The following NIN variants were observed in gnomAD, a reference collection of about 807,000 sequenced individuals.
NIN encodes glycogen synthase kinase 3 beta-interacting protein.
In NIN, 137 loss-of-function variants were observed where a neutral mutation model predicts 257.6. The ratio of observed to expected loss-of-function variants is 0.53; its 90% CI spans 0.46 to 0.61. The LOEUF (loss-of-function observed/expected upper bound fraction) is 0.61, where lower values mean the gene tolerates loss of function less well. Among genes scored for constraint, NIN ranks in the 20% least tolerant of loss-of-function variants. NIN has a pLI of 0.00. For missense variants in NIN, 2,439 were observed against 2,501.2 expected (o/e 0.98, Z 0.53); for synonymous variants, 918 against 919.8 (o/e 1.00, Z 0.04).
chr14:50,823,177 G>A (rs1257213709), intron 2 of NIN: 2 of 543,244 alleles, frequency 3.7e-6, no homozygotes, highest in Admixed American at 2.1e-5. Flanking sequence ...TTCCTTGCAT[G>A]ACAGTTCATT....
At position 50,745,338 on chromosome 14, in the gene NIN, G is replaced by T. The variant is rs1309745666; in HGVS notation, c.5065-973C>A. Among the ~76,000 whole-genome samples, 5 of 152,104 alleles carry T rather than the reference G, an allele frequency of 3.3e-5. No individual in the cohort carries two copies. The East Asian group carries it at 9.6e-4, about 29-fold the overall frequency. ...GTGCCCAGACATTGATAAATGTTCT[G>T]GGGCAGGAGAGCAATCCTCACCCCT... On this transcript the variant is annotated intron_variant, in intron 22 of 30. Coordinates refer to ENST00000530997, the MANE Select transcript of NIN (RefSeq NM_020921.4).
chr14:50,733,574 G>T (rs1455873053), intron 28 of NIN, among the ~76,000 whole-genome samples: 3 of 152,142 alleles, frequency 2.0e-5, no homozygotes, highest in African/African-American at 7.2e-5. Flanking sequence ...ACAACAAGGG[G>T]AAATTGCTTA....
Position 50,791,559 on chromosome 14 carries a change from A to T in NIN, c.435+1153T>A, listed in dbSNP as rs193176741. Among the ~76,000 whole-genome samples, 315 of 150,310 alleles carry T rather than the reference A, an allele frequency of 2.1e-3. 5 individuals are homozygous for T. The East Asian group carries it at 0.046, about 22-fold the overall frequency. On this transcript the variant is annotated intron_variant, in intron 5 of 30. Transcript: ENST00000530997. ...AAGGACAAGTGTCATTTGTTTTTTT[A>T]AAAAAAAATGATGCAGACCCCGATC...
intron 8 of NIN, 88 bp downstream of exon 8, chr14:50,772,861 G>T: frequency 1.9e-6 from 2 of 1,050,048 alleles, no homozygotes; most frequent in Non-Finnish European, 2.8e-6. Context: ...TTAGTATTTT[G>T]CTTCAGACAA....
chr14:50,761,892 G>T lies in NIN; in HGVS notation c.1794C>A (p.Cys598Ter). Residue 598 changes from cysteine to a stop codon, truncating the protein, a stop_gained, in exon 16 of 31, where the codon TGC becomes TGA. Transcript: ENST00000530997. LOFTEE classifies it high-confidence loss of function. The part of the protein sequence containing the change: ...EPEHGLGSEE[C>*]NPLNMSIEAE... The stretch of plus-strand genomic sequence containing the variant: ...CCTCAATGCTCATATTCAATGGATT[G>T]CATTCTTCAGAACCGAGCCCTGAAA... 1 of 1,614,062 alleles carries T rather than the reference G, an allele frequency of 6.2e-7. No homozygotes were observed. The highest frequency in any genetic ancestry group is 8.5e-7 in the Non-Finnish European group (1 of 1,179,970).
At position 50,758,043 on chromosome 14, in the gene NIN, G is replaced by A. The variant is rs41313507; in HGVS notation, c.2987C>T (p.Ala996Val). ...KLLAMENIHKATCETADRERA... is the reference protein window; with the variant it reads ...KLLAMENIHKVTCETADRERA... The stretch of plus-strand genomic sequence containing the variant: ...TTCTCGATCTGCTGTCTCACAGGTC[G>A]CTTTGTGAATGTTCTCCATGGCTAG... The change falls in exon 18 of 31, where the codon GCG becomes GTG. Residue 996 changes from alanine to valine, a missense_variant. By Grantham distance (64) the Ala-to-Val change is moderately conservative. This residue lies in a region of NIN where 2,043 missense variants were observed against 2,050.2 expected (regional missense o/e 1.00). Transcript: ENST00000530997. 6,156 of 1,614,162 alleles carry A rather than the reference G, an allele frequency of 3.8e-3. 17 individuals are homozygous for A. The highest frequency in any genetic ancestry group is 4.7e-3 in the Non-Finnish European group (5,602 of 1,180,026).
rs1185531736 is a variant in NIN, at chr14:50,722,122, C to T, written c.*1341G>A. ...GCCCTGCACCTAGTAAGTCTTCCACCAACTGCTGGCGGAAGTGGCTAGCAG... is the reference window on the plus strand; with the variant it reads ...GCCCTGCACCTAGTAAGTCTTCCACTAACTGCTGGCGGAAGTGGCTAGCAG... On this transcript the variant is annotated 3_prime_UTR_variant, in exon 31 of 31. Transcript: ENST00000530997. The T allele has an allele frequency of 4.6e-6, 1 of 215,374 alleles. No homozygotes were observed. Among genetic ancestry groups the T allele is most frequent in the African/African-American group, 2.6e-5 (1 of 38,742 alleles). The allele number at this position is 215,374 out of a possible 1,614,324, so 13.3% of individuals were successfully genotyped here. A position where few individuals can be genotyped will look rare whatever the true frequency, so the allele number is the denominator to read the frequency against.
In NIN at chr14:50,802,509, T is replaced by C. The variant is rs531904285; in HGVS notation, c.265+4228A>G. On this transcript the variant is annotated intron_variant, in intron 4 of 30. Transcript: ENST00000530997. Reference sequence around the variant, plus strand: ...GAGAGCTTTGTTTTTATAGAATTTATATACAACTGCCTTTTATTAGGAGGC... The same window carrying C: ...GAGAGCTTTGTTTTTATAGAATTTACATACAACTGCCTTTTATTAGGAGGC... Among the ~76,000 whole-genome samples, 199 of 152,328 alleles carry C rather than the reference T, an allele frequency of 1.3e-3. 1 individual carries two copies. The highest frequency in any genetic ancestry group is 6.8e-3 in the South Asian group (33 of 4,828).
chr14:50,804,755 A>C (rs550781487), intron 4 of NIN, among the ~76,000 whole-genome samples: 1 of 152,264 alleles, frequency 6.6e-6, no homozygotes, highest in East Asian at 1.9e-4. Flanking sequence ...CTTGGGCCAC[A>C]CATAAAATAC....
chr14:50,768,922 A>G, intron 12 of NIN, among the ~76,000 whole-genome samples: 1 of 152,238 alleles, frequency 6.6e-6, no homozygotes, highest in East Asian at 1.9e-4. Context: ...ACTTTGGAGC[A>G]TCAACATAAC....
chr14:50,805,220 CT>C (rs144632928), intron 4 of NIN, among the ~76,000 whole-genome samples: 5,719 of 152,262 alleles, frequency 0.038, 145 homozygotes, highest in Middle Eastern at 0.065. Flanking sequence ...AACCATAGCT[CT>C]ATTCAGGCCC....
rs748759008 is a variant in NIN, at chr14:50,757,705, C to T, written c.3325G>A (p.Asp1109Asn). ...CCAAAAAACTCAGTAGCTGGCTCAT[C>T]CAAACAAGAAGACATTACTAACCCT... Reference protein sequence around the residue: ...EPGLVMSSCLDEPATEFFGNT... With the variant: ...EPGLVMSSCLNEPATEFFGNT... Residue 1109 changes from aspartate to asparagine, a missense_variant, in exon 18 of 31, where the codon GAT becomes AAT. Asp to Asn is a conservative substitution (Grantham distance 23). Transcript: ENST00000530997. 1.2e-6 allele frequency: 2 copies of T among 1,614,200 alleles called. No homozygotes were observed. Among genetic ancestry groups the T allele is most frequent in the Middle Eastern group, 3.3e-4 (2 of 6,062 alleles).
At chr14:50,725,766 A>C in intron 30 of NIN, 187 bp downstream of exon 30, 1 of 1,031,784 alleles carries the variant, frequency 9.7e-7, no homozygotes, top group Admixed American at 2.4e-5. Flanking sequence ...TTTGGAAAAA[A>C]TACAGAGTTC....
Position 50,831,106 on chromosome 14 carries a change from T to C in NIN, c.-176A>G, listed in dbSNP as rs2045686919. Reference sequence around the variant, plus strand: ...AGCGGGACGGCCGCGCCCAGCGCGCTCGGCTCCCGGCTCGGCCGCGGCCAC... The same window carrying C: ...AGCGGGACGGCCGCGCCCAGCGCGCCCGGCTCCCGGCTCGGCCGCGGCCAC... On this transcript the variant is annotated 5_prime_UTR_variant, in exon 1 of 31. Transcript: ENST00000530997. 1 of 149,520 alleles carries C rather than the reference T, an allele frequency of 6.7e-6. No individual in the cohort carries two copies. Among genetic ancestry groups the C allele is most frequent in the Non-Finnish European group, 1.5e-5 (1 of 67,118 alleles). 9.3% of individuals were successfully genotyped at this position (149,520 alleles called of 1,614,324 possible). A position where few individuals can be genotyped will look rare whatever the true frequency, so the allele number is the denominator to read the frequency against.
At chr14:50,825,843 A>G (rs1017147681) in intron 2 of NIN, among the ~76,000 whole-genome samples, 1 of 152,248 alleles carries the variant, frequency 6.6e-6, no homozygotes, top group Non-Finnish European at 1.5e-5. Flanking sequence ...GGAATTGAGA[A>G]GCAGAGTTCC....
chr14:50,767,633 C>T (rs559704201), intron 12 of NIN, among the ~76,000 whole-genome samples: 193 of 152,000 alleles, frequency 1.3e-3, no homozygotes, highest in African/African-American at 3.6e-3. Context: ...CTGGCGAACA[C>T]GGTGAAACCC....
chr14:50,772,881 T>G, intron 8 of NIN, 68 bp downstream of exon 8: 1 of 1,322,632 alleles, frequency 7.6e-7, no homozygotes. Flanking sequence ...ACAGATTAAT[T>G]TATTAGACAT....
In NIN at chr14:50,785,478, T is replaced by C. The variant is rs187703216; in HGVS notation, c.436-6674A>G. Among the ~76,000 whole-genome samples the C allele has an allele frequency of 2.3e-4, 35 of 152,314 alleles. No individual in the cohort carries two copies. The East Asian group carries it at 6.4e-3, about 28-fold the overall frequency. ...GAGCCTGGAGTAGAGTTGTGGTTTT[T>C]TGTTTTTGTTTTTGTTTTTTGGAAA... On this transcript the variant is annotated intron_variant, in intron 5 of 30. Transcript: ENST00000530997.
chr14:50,787,442 T>C (rs958332879), intron 5 of NIN, among the ~76,000 whole-genome samples: 4 of 152,186 alleles, frequency 2.6e-5, no homozygotes, highest in African/African-American at 7.2e-5. Flanking sequence ...AGGGAAAAAA[T>C]GTACTCTTCT....
Sources: gnomAD v4.1 joint callset for allele counts (sites outside exome capture counted in the v4.1 genomes callset) on GRCh38, gnomAD v4.1.1 for gene constraint, gnomAD v4.1.1 regional missense constraint, MANE v1.5 for transcripts, NCBI Gene and HGNC (gene_info 2026-07-23, HGNC 2026-07-21) for gene names.